Variants in ZCCHC7 observed in about 807,000 individuals in gnomAD.
The protein encoded by ZCCHC7 is zinc finger CCHC domain-containing protein 7.
A neutral mutation model predicts 52.0 loss-of-function variants in ZCCHC7; 35 were observed. The ratio of observed to expected loss-of-function variants is 0.67; its 90% CI spans 0.51 to 0.89. The LOEUF is 0.89. Ranked by LOEUF, ZCCHC7 falls within the 40% of genes least tolerant of loss-of-function variation. The probability of loss-of-function intolerance (pLI) is 0.00; values close to 1 mark genes in which losing one functional copy is unlikely to be tolerated. For synonymous variants in ZCCHC7, 217 were observed against 221.5 expected, an observed-to-expected ratio of 0.98 and a Z score of 0.18; for missense variants, 574 against 649.1, an observed-to-expected ratio of 0.88 and a Z score of 1.26.
intron 2 of ZCCHC7, among the ~76,000 whole-genome samples, chr9:37,221,191 G>A (rs1490942873): frequency 6.6e-6 from 1 of 152,188 alleles, no homozygotes; most frequent in Admixed American, 6.5e-5. Context: ...AAGTTTTAGG[G>A]CAGGCCTAGA....
In ZCCHC7 at chr9:37,258,709, T is replaced by C. The variant is rs557606249; in HGVS notation, c.611-43479T>C. Among the ~76,000 whole-genome samples the C allele has an allele frequency of 1.3e-4, 19 of 144,868 alleles. No homozygotes were observed. The South Asian group carries it at 1.7e-3, about 13-fold the overall frequency. ...TGAGGCTGCAGTGAGCCGTGATTGT[T>C]CGTGCCACTGCACTTTAGCCTGGGT... is the stretch of plus-strand genomic sequence containing the variant. On this transcript the variant is annotated intron_variant, in intron 2 of 8. Coordinates refer to ENST00000336755, the MANE Select transcript of ZCCHC7 (RefSeq NM_032226.3).
intron 2 of ZCCHC7, among the ~76,000 whole-genome samples, chr9:37,136,869 C>T (rs1843019437): frequency 6.6e-6 from 1 of 152,126 alleles, no homozygotes; most frequent in Non-Finnish European, 1.5e-5. Flanking sequence ...AGCTCAAGCT[C>T]CCACCTTGGC....
At chr9:37,127,992 A>G (rs1489932806) in intron 2 of ZCCHC7, among the ~76,000 whole-genome samples, 2 of 152,244 alleles carry the variant, frequency 1.3e-5, no homozygotes, top group African/African-American at 4.8e-5. Context: ...TGGCCGGCTC[A>G]GGCTGTAGTT....
intron 2 of ZCCHC7, among the ~76,000 whole-genome samples, chr9:37,293,845 G>A (rs566327313): frequency 6.6e-6 from 1 of 152,146 alleles, no homozygotes; most frequent in African/African-American, 2.4e-5. Context: ...ATAACTTAGC[G>A]AAAGCTCTAT....
intron 2 of ZCCHC7, among the ~76,000 whole-genome samples, chr9:37,269,333 T>C (rs1187737019): frequency 1.3e-5 from 2 of 152,062 alleles, no homozygotes; most frequent in Non-Finnish European, 2.9e-5. Flanking sequence ...GAAAAGAGAA[T>C]GGTGAGAGGG....
At chr9:37,323,847 T>C (rs545125108) in intron 5 of ZCCHC7, among the ~76,000 whole-genome samples, 1 of 152,172 alleles carries the variant, frequency 6.6e-6, no homozygotes, top group Non-Finnish European at 1.5e-5. Context: ...TGAGGAATAG[T>C]GTATATGCCA....
At chr9:37,259,694 T>G (rs1166645586) in intron 2 of ZCCHC7, among the ~76,000 whole-genome samples, 1 of 152,204 alleles carries the variant, frequency 6.6e-6, no homozygotes, top group African/African-American at 2.4e-5. Context: ...GATTTAATTC[T>G]AAGTGTAGAT....
At chr9:37,164,455 AG>A (rs1821296113) in intron 2 of ZCCHC7, among the ~76,000 whole-genome samples, 1 of 137,908 alleles carries the variant, frequency 7.3e-6, no homozygotes, top group Non-Finnish European at 1.5e-5. Context: ...ATAGATAGAT[AG>A]ATAGATAGAT....
chr9:37,249,008 T>C (rs1826199121), intron 2 of ZCCHC7, among the ~76,000 whole-genome samples: 1 of 152,216 alleles, frequency 6.6e-6, no homozygotes, highest in South Asian at 2.1e-4. Context: ...CTTGTGGATA[T>C]CTCATATCTT....
intron 2 of ZCCHC7, among the ~76,000 whole-genome samples, chr9:37,221,038 G>A (rs529182976): frequency 3.3e-5 from 5 of 152,284 alleles, no homozygotes; most frequent in Admixed American, 6.5e-5. Context: ...AGACAAACGC[G>A]GCGTTGCCTT....
intron 5 of ZCCHC7, among the ~76,000 whole-genome samples, chr9:37,313,506 T>C (rs957279466): frequency 2.6e-5 from 4 of 152,222 alleles, no homozygotes; most frequent in African/African-American, 9.6e-5. Flanking sequence ...TGTGACCTTA[T>C]GTAAATAATT....
intron 3 of ZCCHC7, among the ~76,000 whole-genome samples, chr9:37,303,921 C>A (rs942549801): frequency 3.3e-5 from 5 of 152,046 alleles, no homozygotes; most frequent in Non-Finnish European, 7.4e-5. Flanking sequence ...CCTCGGCCTC[C>A]GAAAGTGCTG....
intron 6 of ZCCHC7, among the ~76,000 whole-genome samples, chr9:37,344,550 A>G (rs1269860053): frequency 6.6e-6 from 1 of 152,088 alleles, no homozygotes; most frequent in African/African-American, 2.4e-5. Context: ...CTCGTTCCCC[A>G]TGCCTTACGC....
intron 2 of ZCCHC7, among the ~76,000 whole-genome samples, chr9:37,187,885 T>C (rs1822751296): frequency 6.6e-6 from 1 of 152,300 alleles, no homozygotes; most frequent in Admixed American, 6.5e-5. Flanking sequence ...AAAGGTCTTT[T>C]CTGTTAGAAC....
At chr9:37,280,148 A>G (rs997963076) in intron 2 of ZCCHC7, among the ~76,000 whole-genome samples, 10 of 152,216 alleles carry the variant, frequency 6.6e-5, no homozygotes, top group African/African-American at 2.4e-4. Flanking sequence ...CTCAAAAAAA[A>G]AAAGGGATGT....
chr9:37,162,239 CTATAG>C (rs1295898474), intron 2 of ZCCHC7, among the ~76,000 whole-genome samples: 14 of 151,888 alleles, frequency 9.2e-5, no homozygotes, highest in Middle Eastern at 3.4e-3. Context: ...AGTATGTCAA[CTATAG>C]TATAGTATAT....
At chr9:37,126,172 G>GA in intron 1 of ZCCHC7, 140 bp from the exon 2 acceptor site, 3 of 879,048 alleles carry the variant, frequency 3.4e-6, no homozygotes, top group Non-Finnish European at 5.1e-6. Context: ...GAAATCCTTG[G>GA]AAAAAAAGGT....
intron 2 of ZCCHC7, among the ~76,000 whole-genome samples, chr9:37,244,673 C>T (rs1826008662): frequency 1.3e-5 from 2 of 151,702 alleles, no homozygotes; most frequent in Non-Finnish European, 3.0e-5. Context: ...TCCTTTTGTT[C>T]TAAAAAGAAG....
chr9:37,346,161 C>T (rs1047625853), intron 6 of ZCCHC7, among the ~76,000 whole-genome samples: 5 of 152,072 alleles, frequency 3.3e-5, no homozygotes, highest in African/African-American at 9.7e-5. Flanking sequence ...CACCACCACG[C>T]CTAGCTAATT....
Sources: gnomAD v4.1 joint callset for allele counts (sites outside exome capture counted in the v4.1 genomes callset) on GRCh38, gnomAD v4.1.1 for gene constraint, MANE v1.5 for transcripts, NCBI Gene and HGNC (gene_info 2026-07-23, HGNC 2026-07-21) for gene names.